SPECC1: variants seen among roughly 807,000 people sequenced by gnomAD.
The protein encoded by SPECC1 is cytospin-B.
A neutral mutation model predicts 104.1 loss-of-function variants in SPECC1; 62 were observed. That is an observed-to-expected ratio of 0.60 (90% CI 0.49 to 0.74). SPECC1 has a LOEUF of 0.74. SPECC1 is among the 30% of genes least tolerant of loss of function. The pLI is 0.00. For missense variants in SPECC1, 1,306 were observed against 1,310.5 expected (o/e 1.00, Z 0.05); for synonymous variants, 513 against 501.6 (o/e 1.02, Z -0.30).
chr17:20,240,060 ATT>A (rs748689632), intron 7 of SPECC1, among the ~76,000 whole-genome samples: 331 of 32,124 alleles, frequency 0.01, no homozygotes, highest in African/African-American at 0.037. Flanking sequence ...TGTCCAGCTA[ATT>A]TTTTTTTTTT....
At chr17:20,090,256 C>T (rs1213485471) in intron 1 of SPECC1, among the ~76,000 whole-genome samples, 1 of 152,222 alleles carries the variant, frequency 6.6e-6, no homozygotes, top group Non-Finnish European at 1.5e-5. Context: ...CATGCCTTCC[C>T]TGAGCCTGTG....
intron 12 of SPECC1, among the ~76,000 whole-genome samples, chr17:20,273,407 G>A (rs1329439904): frequency 6.6e-6 from 1 of 151,752 alleles, no homozygotes; most frequent in Non-Finnish European, 1.5e-5. Context: ...GAACCTGGGA[G>A]GCGGAGGCGA....
At chr17:20,104,175 T>C (rs905541146) in intron 2 of SPECC1, among the ~76,000 whole-genome samples, 1 of 152,128 alleles carries the variant, frequency 6.6e-6, no homozygotes, top group Non-Finnish European at 1.5e-5. Flanking sequence ...GTTTTTCTGA[T>C]GTAAGGAGGG....
At chr17:20,122,139 G>A (rs1460958359) in intron 3 of SPECC1, among the ~76,000 whole-genome samples, 1 of 152,142 alleles carries the variant, frequency 6.6e-6, no homozygotes, top group Non-Finnish European at 1.5e-5. Flanking sequence ...GACCAGTGGG[G>A]CCGCAGCAGA....
chr17:20,312,363 T>A (rs77746692), intron 14 of SPECC1, among the ~76,000 whole-genome samples: 6 of 126,406 alleles, frequency 4.7e-5, no homozygotes, highest in African/African-American at 9.6e-5. Context: ...CTCAAATATG[T>A]TAACAATGTA....
In SPECC1 at chr17:20,204,957, A is replaced by G. The variant is rs367950456; in HGVS notation, c.908A>G (p.Asn303Ser). 22 of 1,614,066 alleles carry G rather than the reference A, an allele frequency of 1.4e-5. No individual in the cohort carries two copies. In the African/African-American group the frequency reaches 2.8e-4, roughly 21 times the overall value. Residue 303 changes from asparagine (N) to serine (S), a missense_variant, in exon 4 of 15, where the codon AAC becomes AGC. Around this residue, in one of 2 missense-constraint regions of SPECC1, gnomAD observed 1,177 missense variants for 1,139.9 expected, o/e 1.03. Transcript: ENST00000395527. Reference sequence around the variant, plus strand: ...AGTGACATTGATGAGTATAAAAAAAACATACATGGAAATGCATTACGGACA... The same window carrying G: ...AGTGACATTGATGAGTATAAAAAAAGCATACATGGAAATGCATTACGGACA... ...MSSDIDEYKK[N>S]IHGNALRTSG... is the part of the protein sequence containing the mutation.
At chr17:20,104,999 G>T (rs776351367) in intron 2 of SPECC1, among the ~76,000 whole-genome samples, 1 of 151,936 alleles carries the variant, frequency 6.6e-6, no homozygotes, top group Non-Finnish European at 1.5e-5. Context: ...TGATGTTGAA[G>T]ATGATGAGAG....
At chr17:20,107,165 A>AAAG (rs1555608142) in intron 2 of SPECC1, among the ~76,000 whole-genome samples, 8 of 148,702 alleles carry the variant, frequency 5.4e-5, no homozygotes, top group African/African-American at 7.4e-5. Flanking sequence ...AAAAAAAAAA[A>AAAG]AAAAGAAAAG....
chr17:20,090,338 C>T (rs2047349302), intron 1 of SPECC1, among the ~76,000 whole-genome samples: 1 of 152,168 alleles, frequency 6.6e-6, no homozygotes, highest in Admixed American at 6.5e-5. Flanking sequence ...TGGGGTGCTG[C>T]ACTTTCCGTT....
chr17:20,252,764 TCTG>T (rs1252046978), intron 9 of SPECC1, among the ~76,000 whole-genome samples: 3 of 152,220 alleles, frequency 2.0e-5, no homozygotes, highest in Non-Finnish European at 4.4e-5. Flanking sequence ...CGTCCATTCA[TCTG>T]GTGGTGGACA....
At chr17:20,042,600 C>T (rs1031630850) in intron 1 of SPECC1, among the ~76,000 whole-genome samples, 1 of 152,138 alleles carries the variant, frequency 6.6e-6, no homozygotes, top group Non-Finnish European at 1.5e-5. Flanking sequence ...CTTGGTACGT[C>T]CTCACAAGAC....
At chr17:20,186,311 C>T (rs778316034) in intron 3 of SPECC1, among the ~76,000 whole-genome samples, 2 of 151,980 alleles carry the variant, frequency 1.3e-5, no homozygotes, top group Non-Finnish European at 2.9e-5. Context: ...TGTGCAATAG[C>T]ATTACATCTT....
intron 3 of SPECC1, among the ~76,000 whole-genome samples, chr17:20,159,087 G>T: frequency 6.6e-6 from 1 of 151,974 alleles, no homozygotes; most frequent in Non-Finnish European, 1.5e-5. Flanking sequence ...TGAGACTGCA[G>T]GTGTGCACCA....
At chr17:20,111,807 AGG>A (rs36071279) in intron 3 of SPECC1, 3 of 793,938 alleles carry the variant, frequency 3.8e-6, no homozygotes, top group Non-Finnish European at 6.5e-6. Context: ...CTCAGGACCC[AGG>A]GGGGGGGCAG....
chr17:20,185,786 G>A (rs2035231021), intron 3 of SPECC1, among the ~76,000 whole-genome samples: 2 of 152,202 alleles, frequency 1.3e-5, no homozygotes, highest in Non-Finnish European at 2.9e-5. Flanking sequence ...AGAAGCATTT[G>A]TCTAGTGATA....
intron 3 of SPECC1, among the ~76,000 whole-genome samples, chr17:20,114,560 A>C (rs1265894440): frequency 6.6e-6 from 1 of 150,598 alleles, no homozygotes; most frequent in Non-Finnish European, 1.5e-5. Flanking sequence ...TCTCTGCAAC[A>C]GTAGAGGAAG....
intron 3 of SPECC1, 71 bp from the exon 4 acceptor site, chr17:20,204,262 A>G: frequency 2.0e-6 from 3 of 1,520,932 alleles, no homozygotes; most frequent in South Asian, 2.6e-5. Flanking sequence ...CATGTGATTT[A>G]CAGTCATTTG....
At chr17:20,219,802 T>A (rs993940187) in intron 4 of SPECC1, among the ~76,000 whole-genome samples, 1 of 152,170 alleles carries the variant, frequency 6.6e-6, no homozygotes, top group African/African-American at 2.4e-5. Flanking sequence ...TTTTAGTAGT[T>A]TTCATAGTTT....
chr17:20,161,503 AAT>A (rs1350807007), intron 3 of SPECC1, among the ~76,000 whole-genome samples: 1 of 152,210 alleles, frequency 6.6e-6, no homozygotes, highest in East Asian at 1.9e-4. Context: ...CAGCATTTAA[AAT>A]ATCAGGATCT....
Sources: allele counts gnomAD v4.1 joint callset (sites outside exome capture counted in the v4.1 genomes callset), GRCh38; gene constraint gnomAD v4.1.1; regional missense constraint gnomAD v4.1.1; transcripts MANE v1.5; gene names NCBI Gene and HGNC (gene_info 2026-07-23, HGNC 2026-07-21).